The following ARHGEF10L variants were observed in gnomAD, a reference collection of about 807,000 sequenced individuals.
ARHGEF10L encodes the protein rho guanine nucleotide exchange factor 10-like protein.
ARHGEF10L carries 69 observed loss-of-function variants against 141.2 expected under a neutral mutation model. The ratio of observed to expected loss-of-function variants is 0.49; its 90% CI spans 0.40 to 0.60. The LOEUF (loss-of-function observed/expected upper bound fraction) is 0.60. Among genes scored for constraint, ARHGEF10L ranks in the 20% least tolerant of loss-of-function variants. ARHGEF10L has a pLI of 0.00. For synonymous variants in ARHGEF10L, 711 were observed against 718.5 expected (o/e 0.99, Z 0.17); for missense variants, 1,482 against 1,734.3 (o/e 0.85, Z 2.58).
At chr1:17,586,754 G>A (rs1270109033) in intron 2 of ARHGEF10L, among the ~76,000 whole-genome samples, 1 of 152,134 alleles carries the variant, frequency 6.6e-6, no homozygotes, top group Non-Finnish European at 1.5e-5. Flanking sequence ...AGAAGGAGAG[G>A]CCACACCTCC....
At chr1:17,616,600 C>G (rs1440865505) in intron 9 of ARHGEF10L, among the ~76,000 whole-genome samples, 2 of 152,228 alleles carry the variant, frequency 1.3e-5, no homozygotes, top group Non-Finnish European at 2.9e-5. Context: ...CTAAGCGCCA[C>G]AGCCTGTGCT....
intron 7 of ARHGEF10L, among the ~76,000 whole-genome samples, chr1:17,610,284 C>G (rs1029590462): frequency 6.6e-6 from 1 of 152,210 alleles, no homozygotes; most frequent in Admixed American, 6.5e-5. Flanking sequence ...ATAAGGGGCC[C>G]ACAGAGCACT....
chr1:17,533,695 G>GC, the ARHGEF10L span, among the ~76,000 whole-genome samples: 1 of 152,138 alleles, frequency 6.6e-6, no homozygotes, highest in Admixed American at 6.6e-5. Context: ...GTGCATCCCA[G>GC]CCCCCCTCAA....
At chr1:17,617,482 C>T (rs967277402) in intron 9 of ARHGEF10L, among the ~76,000 whole-genome samples, 8 of 152,128 alleles carry the variant, frequency 5.3e-5, no homozygotes, top group African/African-American at 1.9e-4. Context: ...CAAGTAAGAC[C>T]GGCCCCTGCT....
chr1:17,545,820 AGT>A (rs367985611), intron 1 of ARHGEF10L, among the ~76,000 whole-genome samples: 1 of 152,134 alleles, frequency 6.6e-6, no homozygotes, highest in African/African-American at 2.4e-5. Context: ...GGATGTGCGG[AGT>A]GTAGCAGGGG....
At chr1:17,635,823 G>A (rs905601965) in intron 18 of ARHGEF10L, among the ~76,000 whole-genome samples, 1 of 152,198 alleles carries the variant, frequency 6.6e-6, no homozygotes, top group Admixed American at 6.5e-5. Context: ...CTAAATTGCA[G>A]CAGAAAGGAA....
At chr1:17,565,738 C>T (rs188715199) in intron 1 of ARHGEF10L, among the ~76,000 whole-genome samples, 24 of 152,270 alleles carry the variant, frequency 1.6e-4, no homozygotes, top group Admixed American at 1.2e-3. Context: ...TCGGAGAGCT[C>T]GGCAGTCTGG....
rs1277863124 is a variant in ARHGEF10L at position 17,587,652 on chromosome 1, T to A, written c.223+7T>A. On this transcript the variant is annotated splice_region_variant and intron_variant, in intron 3 of 28. Coordinates refer to ENST00000361221, the MANE Select transcript of ARHGEF10L (RefSeq NM_018125.4). ...GACTCCATCCCTGTCACTGGTAAGA[T>A]GTTTCTGGGAACTTCCGGTCCTGGG... is the stretch of plus-strand genomic sequence containing the variant. 6.2e-7 allele frequency: 1 copy of A among 1,603,834 alleles called. No homozygotes were observed. The highest frequency in any genetic ancestry group is 1.1e-5 in the South Asian group (1 of 90,142).
chr1:17,530,861 C>T, the ARHGEF10L span, among the ~76,000 whole-genome samples: 6 of 151,768 alleles, frequency 4.0e-5, no homozygotes, highest in East Asian at 3.9e-4. Context: ...AAAAATTAGC[C>T]GGGCGTGGTG....
At chr1:17,595,334 G>A (rs2079984239) in intron 4 of ARHGEF10L, among the ~76,000 whole-genome samples, 1 of 151,800 alleles carries the variant, frequency 6.6e-6, no homozygotes, top group Admixed American at 6.6e-5. Flanking sequence ...TTTTTGCCAG[G>A]GGTGCAGGGC....
rs2059968705 is a variant in ARHGEF10L, at chr1:17,619,118, C to T, written c.836-221C>T. On this transcript the variant is annotated intron_variant, in intron 9 of 28. Coordinates refer to ENST00000361221, the MANE Select transcript of ARHGEF10L (RefSeq NM_018125.4). This position sits in a 1 kb window ranked among gnomAD's most constrained non-coding sequence, Gnocchi z 5.0. Reference sequence around the variant, plus strand: ...GCCTGTTCACCCTCTCGCTCACTTGCTCACAATTATTCACTGATGGAATGT... The same window carrying T: ...GCCTGTTCACCCTCTCGCTCACTTGTTCACAATTATTCACTGATGGAATGT... Among the ~76,000 whole-genome samples, 1 of 152,132 alleles carries T rather than the reference C, an allele frequency of 6.6e-6. No homozygotes were observed. The highest frequency in any genetic ancestry group is 1.5e-5 in the Non-Finnish European group (1 of 68,020).
chr1:17,592,867 A>C (rs1160528391), intron 4 of ARHGEF10L, among the ~76,000 whole-genome samples: 1 of 152,068 alleles, frequency 6.6e-6, no homozygotes, highest in Non-Finnish European at 1.5e-5. Context: ...CTCTCCGCCC[A>C]TGGAGTCCCC....
At chr1:17,687,513 T>C (rs2064705629) in intron 26 of ARHGEF10L, 60 bp from the exon 27 acceptor site, 3 of 1,589,964 alleles carry the variant, frequency 1.9e-6, no homozygotes, top group Non-Finnish European at 2.6e-6. Context: ...GGTGGGGGCT[T>C]GTAGGGAGGC....
At chr1:17,554,571 T>TTTCC (rs2077233177) in intron 1 of ARHGEF10L, among the ~76,000 whole-genome samples, 1 of 149,464 alleles carries the variant, frequency 6.7e-6, no homozygotes, top group Non-Finnish European at 1.5e-5. Context: ...CCCTCCCTCC[T>TTTCC]TTCCTTCCTT....
In ARHGEF10L at chr1:17,619,581, T is replaced by C. The variant is rs928462594; in HGVS notation, c.942+136T>C. 3.0e-6 allele frequency: 2 copies of C among 667,738 alleles called. No homozygotes were observed. The highest frequency in any genetic ancestry group is 5.0e-6 in the Non-Finnish European group (2 of 400,224). 41.4% of individuals were successfully genotyped at this position (667,738 alleles called of 1,614,324 possible). A position where few individuals can be genotyped will look rare whatever the true frequency, so the allele number is the denominator to read the frequency against. On this transcript the variant is annotated intron_variant, in intron 10 of 28. Transcript: ENST00000361221. This position sits in a 1 kb window ranked among gnomAD's most constrained non-coding sequence, Gnocchi z 5.0. ...CTGGGGGCTCTTGGCAGAGCCCAGC[T>C]GGATAGGGGCCTCCTAGGTTCTCTC...
At chr1:17,593,189 T>C (rs906393045) in intron 4 of ARHGEF10L, among the ~76,000 whole-genome samples, 18 of 152,176 alleles carry the variant, frequency 1.2e-4, no homozygotes, top group African/African-American at 4.3e-4. Flanking sequence ...CCTGCAGCGG[T>C]GGGACTCTGC....
upstream of ARHGEF10L, among the ~76,000 whole-genome samples, chr1:17,538,810 C>T (rs888173398): frequency 1.3e-5 from 2 of 151,954 alleles, no homozygotes; most frequent in Non-Finnish European, 2.9e-5. Context: ...TTATCATTAT[C>T]AACCCAGGAG....
chr1:17,627,908 C>T lies in ARHGEF10L; in HGVS notation c.1584+405C>T, dbSNP rs1004477398. ...TGAAATGAGGAGCATTTAATAGCAC[C>T]GGAGCCCTAGGGCTGCTGCCGCAAA... On this transcript the variant is annotated intron_variant, in intron 15 of 28. Coordinates refer to ENST00000361221, the MANE Select transcript of ARHGEF10L (RefSeq NM_018125.4). This position sits in a 1 kb window ranked among gnomAD's most constrained non-coding sequence, Gnocchi z 4.0. Among the ~76,000 whole-genome samples, 4 of 152,002 alleles carry T rather than the reference C, an allele frequency of 2.6e-5. No individual in the cohort carries two copies. Among genetic ancestry groups the T allele is most frequent in the African/African-American group, 7.3e-5 (3 of 41,374 alleles).
intron 9 of ARHGEF10L, chr1:17,618,183 G>T: frequency 1.4e-6 from 1 of 721,098 alleles, no homozygotes; most frequent in Non-Finnish European, 2.2e-6. Flanking sequence ...GGATAACGTG[G>T]CCAGGCCAGC....
Sources: allele counts gnomAD v4.1 joint callset (sites outside exome capture counted in the v4.1 genomes callset), GRCh38; gene constraint gnomAD v4.1.1; non-coding constraint Gnocchi (gnomAD v3.1); transcripts MANE v1.5; gene names NCBI Gene and HGNC (gene_info 2026-07-23, HGNC 2026-07-21).